Variants in ROBO1 observed in about 807,000 individuals in gnomAD.
ROBO1 encodes roundabout homolog 1.
A neutral mutation model predicts 195.9 loss-of-function variants in ROBO1; 149 were observed. That is an observed-to-expected ratio of 0.76 (90% CI 0.67 to 0.87). The LOEUF (loss-of-function observed/expected upper bound fraction) is 0.87. ROBO1 is among the 40% of genes least tolerant of loss of function. The probability of loss-of-function intolerance (pLI) is 0.00; values close to 1 mark genes in which losing one functional copy is unlikely to be tolerated. For missense variants in ROBO1, 1,933 were observed against 2,068.3 expected (o/e 0.93, Z 1.27); for synonymous variants, 816 against 733.2 (o/e 1.11, Z -1.82).
chr3:78,711,128 A>G (rs936955465), intron 8 of ROBO1, among the ~76,000 whole-genome samples: 1 of 152,184 alleles, frequency 6.6e-6, no homozygotes, highest in African/African-American at 2.4e-5. Flanking sequence ...TCTTTCAAAC[A>G]CAGGTCATAA....
chr3:79,086,566 C>G (rs2079374962), intron 3 of ROBO1, among the ~76,000 whole-genome samples: 1 of 152,134 alleles, frequency 6.6e-6, no homozygotes, highest in Non-Finnish European at 1.5e-5. Context: ...GCTGCCCAGA[C>G]AGCTGAAGAA....
intron 2 of ROBO1, among the ~76,000 whole-genome samples, chr3:79,202,750 T>G (rs2081792143): frequency 6.6e-6 from 1 of 152,140 alleles, no homozygotes; most frequent in Non-Finnish European, 1.5e-5. Flanking sequence ...CCCAACAAAT[T>G]GGAATATGCA....
chr3:79,009,106 A>G (rs2077710822), intron 3 of ROBO1, among the ~76,000 whole-genome samples: 1 of 138,324 alleles, frequency 7.2e-6, no homozygotes. Context: ...ACGCCCAGCT[A>G]ATTTTTTTTT....
At chr3:79,544,127 G>T (rs988667813) in intron 2 of ROBO1, among the ~76,000 whole-genome samples, 2 of 151,872 alleles carry the variant, frequency 1.3e-5, no homozygotes, top group African/African-American at 4.8e-5. Context: ...AGAAAACAAA[G>T]ATTTTTCATA....
intron 4 of ROBO1, among the ~76,000 whole-genome samples, chr3:78,866,111 T>C (rs115486667): frequency 0.013 from 2,035 of 152,302 alleles, 31 homozygotes; most frequent in Middle Eastern, 0.037. Flanking sequence ...AAAATAAACA[T>C]ACTTATTTTC....
chr3:78,636,943 A>ATATATATATATATATATT (rs1705546504), intron 22 of ROBO1, among the ~76,000 whole-genome samples: 9 of 100,180 alleles, frequency 9.0e-5, no homozygotes, highest in African/African-American at 4.9e-4. Context: ...TTTTATATAT[A>ATATATATATATATATATT]TATATATATA....
intron 2 of ROBO1, among the ~76,000 whole-genome samples, chr3:79,308,312 T>A (rs567908130): frequency 6.6e-6 from 1 of 152,234 alleles, no homozygotes; most frequent in Non-Finnish European, 1.5e-5. Flanking sequence ...CTTTTAAAAA[T>A]ACGTAGGGAC....
chr3:79,489,938 T>C (rs1226992033), intron 2 of ROBO1, among the ~76,000 whole-genome samples: 3 of 152,186 alleles, frequency 2.0e-5, no homozygotes, highest in African/African-American at 7.2e-5. Flanking sequence ...ATTCACACAC[T>C]AATGAAGAAT....
chr3:79,297,403 G>A (rs994479902), intron 2 of ROBO1, among the ~76,000 whole-genome samples: 12 of 152,044 alleles, frequency 7.9e-5, no homozygotes, highest in Admixed American at 6.5e-4. Flanking sequence ...TTTGACTTTT[G>A]CAAAACTGTG....
At chr3:79,521,055 G>C (rs781425249) in intron 2 of ROBO1, among the ~76,000 whole-genome samples, 4 of 152,092 alleles carry the variant, frequency 2.6e-5, no homozygotes, top group Non-Finnish European at 5.9e-5. Flanking sequence ...AATAATCTTT[G>C]AGACCCCATT....
chr3:79,616,365 T>C (rs1277759397), intron 1 of ROBO1, among the ~76,000 whole-genome samples: 2 of 152,050 alleles, frequency 1.3e-5, no homozygotes, highest in Admixed American at 1.3e-4. Context: ...AAATAGAATG[T>C]ATAGAAAAAA....
chr3:79,568,399 T>C (rs1943159600), intron 2 of ROBO1, among the ~76,000 whole-genome samples: 1 of 151,742 alleles, frequency 6.6e-6, no homozygotes, highest in South Asian at 2.1e-4. Flanking sequence ...AATAAAAGGC[T>C]GGAGTTGTTG....
chr3:79,412,388 A>G (rs1559880402), intron 2 of ROBO1, among the ~76,000 whole-genome samples: 4 of 152,140 alleles, frequency 2.6e-5, no homozygotes, highest in Non-Finnish European at 5.9e-5. Context: ...ACATGATAAT[A>G]AGGAAAAGCT....
Position 79,285,287 on chromosome 3 carries a change from G to A in ROBO1, c.89-159748C>T, listed in dbSNP as rs575348011. ...AAGTCTATAGCCCCCATGGAAGAAT[G>A]TAAAATTGTAAAAAGCAAACCAACC... On this transcript the variant is annotated intron_variant, in intron 2 of 30. Coordinates refer to ENST00000464233, the MANE Select transcript of ROBO1 (RefSeq NM_002941.4). Among the ~76,000 whole-genome samples, 7 of 152,292 alleles carry A rather than the reference G, an allele frequency of 4.6e-5. No individual in the cohort carries two copies. In the South Asian group the frequency reaches 1.4e-3, roughly 32 times the overall value.
intron 2 of ROBO1, among the ~76,000 whole-genome samples, chr3:79,254,078 T>C (rs1294261210): frequency 6.6e-6 from 1 of 152,168 alleles, no homozygotes; most frequent in Non-Finnish European, 1.5e-5. Flanking sequence ...TTAACTCTAA[T>C]ATTGCATCTA....
intron 3 of ROBO1, among the ~76,000 whole-genome samples, chr3:78,987,241 T>A (rs2077129845): frequency 6.6e-6 from 1 of 151,996 alleles, no homozygotes; most frequent in African/African-American, 2.4e-5. Context: ...GAAATAGTTT[T>A]TTTTAAAATA....
chr3:79,563,454 G>C (rs957074136), intron 2 of ROBO1, among the ~76,000 whole-genome samples: 8 of 152,062 alleles, frequency 5.3e-5, no homozygotes, highest in Non-Finnish European at 1.2e-4. Context: ...TTAGTGAAGT[G>C]TGTTTATGCC....
At chr3:78,717,189 T>A in intron 7 of ROBO1, 86 bp downstream of exon 7, 2 of 1,402,998 alleles carry the variant, frequency 1.4e-6, no homozygotes, top group Non-Finnish European at 1.9e-6. Flanking sequence ...AATGGACTAT[T>A]CTAATGGCCC....
chr3:78,734,534 C>T (rs2108209844), intron 5 of ROBO1, among the ~76,000 whole-genome samples: 1 of 151,742 alleles, frequency 6.6e-6, no homozygotes, highest in South Asian at 2.1e-4. Flanking sequence ...GCACTCCAGC[C>T]TGGACGACAG....
Sources: gnomAD v4.1 joint callset for allele counts (sites outside exome capture counted in the v4.1 genomes callset) on GRCh38, gnomAD v4.1.1 for gene constraint, MANE v1.5 for transcripts, NCBI Gene and HGNC (gene_info 2026-07-23, HGNC 2026-07-21) for gene names.